The following SCGN variants were observed in gnomAD, a reference collection of about 807,000 sequenced individuals.
SCGN encodes the protein secretagogin.
Under a neutral mutation model 39.7 loss-of-function variants are expected in SCGN, and 30 were observed. That is an observed-to-expected ratio of 0.76 (90% CI 0.57 to 1.03). The LOEUF is 1.03. SCGN is among the 50% of genes least tolerant of loss of function. The probability of loss-of-function intolerance (pLI) is 0.00; values close to 1 mark genes in which losing one functional copy is unlikely to be tolerated. For missense variants in SCGN, 353 were observed against 349.4 expected (o/e 1.01, Z -0.08); for synonymous variants, 106 against 114.1 (o/e 0.93, Z 0.45).
intron 10 of SCGN, among the ~76,000 whole-genome samples, chr6:25,693,621 G>A (rs1367764484): frequency 1.3e-5 from 2 of 151,196 alleles, no homozygotes; most frequent in African/African-American, 4.8e-5. Flanking sequence ...TGTAAAAAAA[G>A]CCAGTGCAAA....
chr6:25,667,242 G>A (rs576640675), intron 4 of SCGN, among the ~76,000 whole-genome samples: 30 of 152,178 alleles, frequency 2.0e-4, no homozygotes, highest in African/African-American at 6.5e-4. Flanking sequence ...AAATCACATG[G>A]CCCTATGGAG....
chr6:25,655,690 T>A (rs1352975419), intron 2 of SCGN, among the ~76,000 whole-genome samples: 1 of 152,202 alleles, frequency 6.6e-6, no homozygotes, highest in Non-Finnish European at 1.5e-5. Flanking sequence ...TGCAGACCCC[T>A]AGGTCTCATC....
At chr6:25,653,565 T>C (rs1250142351) in intron 2 of SCGN, 113 bp downstream of exon 2, 2 of 747,942 alleles carry the variant, frequency 2.7e-6, no homozygotes, top group South Asian at 1.8e-5. Flanking sequence ...CTTCCTTGCA[T>C]GTATGTAATT....
intron 10 of SCGN, among the ~76,000 whole-genome samples, chr6:25,696,416 A>G (rs966895581): frequency 1.3e-5 from 2 of 152,090 alleles, no homozygotes; most frequent in African/African-American, 4.8e-5. Context: ...ATAGCCTATT[A>G]CAGAATAATA....
At chr6:25,679,418 C>G (rs1485417386) in intron 6 of SCGN, among the ~76,000 whole-genome samples, 2 of 152,166 alleles carry the variant, frequency 1.3e-5, no homozygotes, top group Non-Finnish European at 2.9e-5. Context: ...AGGAATACTT[C>G]ATCATCATTC....
In SCGN at chr6:25,661,658, CAG is replaced by C; in HGVS notation, c.246+15_246+16del. 1 of 1,538,690 alleles carries C rather than the reference CAG, an allele frequency of 6.5e-7. No homozygotes were observed. Among genetic ancestry groups the C allele is most frequent in the Non-Finnish European group, 9.0e-7 (1 of 1,111,642 alleles). On this transcript the variant is annotated intron_variant, in intron 3 of 10. Coordinates refer to ENST00000377961, the MANE Select transcript of SCGN (RefSeq NM_006998.4). ...CGGATGAAAGAGGTAACTTTACTGA[CAG>C]TATTTTTCATGGCTCTACTCTTCTT...
chr6:25,701,464 A>C lies in SCGN; in HGVS notation c.*129A>C. On this transcript the variant is annotated 3_prime_UTR_variant, in exon 11 of 11. Transcript: ENST00000377961. ...TGGTGTGCTATTCTTGGGCAAGAAC[A>C]GGGACGCTAGGGCCTTCCTTCCACC... 1 of 1,074,616 alleles carries C rather than the reference A, an allele frequency of 9.3e-7. No individual in the cohort carries two copies. Among genetic ancestry groups the C allele is most frequent in the Non-Finnish European group, 1.3e-6 (1 of 743,744 alleles). The allele number at this position is 1,074,616 out of a possible 1,614,324, so 66.6% of individuals were successfully genotyped here.
At chr6:25,653,171 A>G (rs1419195023) in intron 1 of SCGN, among the ~76,000 whole-genome samples, 1 of 152,194 alleles carries the variant, frequency 6.6e-6, no homozygotes, top group African/African-American at 2.4e-5. Flanking sequence ...GCACTAATAT[A>G]AACCCTAGCA....
At chr6:25,652,565 C>G (rs964959582) in intron 1 of SCGN, 80 bp downstream of exon 1, 23 of 1,352,582 alleles carry the variant, frequency 1.7e-5, no homozygotes, top group Non-Finnish European at 2.4e-5. Context: ...TGGAGTTTCC[C>G]CTTTACTGTA....
chr6:25,691,146 T>G, intron 10 of SCGN, 22 bp downstream of exon 10: 1 of 1,563,716 alleles, frequency 6.4e-7, no homozygotes, highest in Non-Finnish European at 8.8e-7. Flanking sequence ...TTCTTCTTAT[T>G]ATGAAGTGGG....
chr6:25,691,108 T>C lies in SCGN; in HGVS notation c.686T>C (p.Met229Thr). Reference sequence around the variant, plus strand: ...GAAGTGGATGGGTTTGTCAAAGACATGATGGAGCTTGTCCAGGTGAGTGCA... The same window carrying C: ...GAAGTGGATGGGTTTGTCAAAGACACGATGGAGCTTGTCCAGGTGAGTGCA... Reference protein sequence around the residue: ...GPEVDGFVKDMMELVQPSISG... With the variant: ...GPEVDGFVKDTMELVQPSISG... The change falls in exon 10 of 11, where the codon ATG becomes ACG. Residue 229 changes from methionine (M) to threonine (T), a missense_variant. Coordinates refer to ENST00000377961, the MANE Select transcript of SCGN (RefSeq NM_006998.4). The C allele has an allele frequency of 6.2e-7, 1 of 1,613,362 alleles. No individual in the cohort carries two copies. The highest frequency in any genetic ancestry group is 8.5e-7 in the Non-Finnish European group (1 of 1,179,316).
At chr6:25,666,478 A>T (rs139671745) in intron 4 of SCGN, among the ~76,000 whole-genome samples, 57 of 152,382 alleles carry the variant, frequency 3.7e-4, no homozygotes, top group Middle Eastern at 3.4e-3. Context: ...GTTCAAACTG[A>T]AAATAACATA....
At chr6:25,672,356 T>G (rs1047222023) in intron 6 of SCGN, among the ~76,000 whole-genome samples, 5 of 152,208 alleles carry the variant, frequency 3.3e-5, no homozygotes, top group Non-Finnish European at 7.3e-5. Flanking sequence ...TGCATTATAT[T>G]GCATAACAGA....
chr6:25,700,170 G>A (rs780920685), intron 10 of SCGN, among the ~76,000 whole-genome samples: 5 of 148,872 alleles, frequency 3.4e-5, no homozygotes, highest in Non-Finnish European at 5.9e-5. Flanking sequence ...GCTTGAACCC[G>A]GGAGACGGTA....
chr6:25,691,239 G>A, intron 10 of SCGN, 115 bp downstream of exon 10: 3 of 765,092 alleles, frequency 3.9e-6, no homozygotes, highest in South Asian at 3.8e-5. Context: ...ATCTAGGGAT[G>A]TAGTTTATTT....
chr6:25,657,667 A>AAT (rs1344295983), intron 2 of SCGN, among the ~76,000 whole-genome samples: 3 of 148,860 alleles, frequency 2.0e-5, no homozygotes, highest in Non-Finnish European at 3.0e-5. Context: ...ATATATATAT[A>AAT]ATATATATAT....
chr6:25,701,739 A>AT lies in SCGN; in HGVS notation c.*411dup, dbSNP rs5875060. Reference sequence around the variant, plus strand: ...TGGCAATCCTGTAACTTCAACATAGATTTTTTTGTGTGTGTGGAAATAAAT... The same window carrying AT: ...TGGCAATCCTGTAACTTCAACATAGATTTTTTTTGTGTGTGTGGAAATAAAT... On this transcript the variant is annotated 3_prime_UTR_variant, in exon 11 of 11. Coordinates refer to ENST00000377961, the MANE Select transcript of SCGN (RefSeq NM_006998.4). 148,550 of 154,020 alleles carry AT rather than the reference A, an allele frequency of 0.96. 71,693 individuals are homozygous for AT. Among genetic ancestry groups the AT allele is most frequent in the East Asian group, 1 (5,230 of 5,244 alleles). The allele number at this position is 154,020 out of a possible 1,614,324, so 9.5% of individuals were successfully genotyped here. A position where few individuals can be genotyped will look rare whatever the true frequency, so the allele number is the denominator to read the frequency against.
At chr6:25,690,793 A>G (rs958967900) in intron 9 of SCGN, among the ~76,000 whole-genome samples, 1 of 152,258 alleles carries the variant, frequency 6.6e-6, no homozygotes, top group Admixed American at 6.5e-5. Flanking sequence ...AAGGCAATAT[A>G]TGTCATACGA....
chr6:25,695,642 G>A (rs1759828357), intron 10 of SCGN, among the ~76,000 whole-genome samples: 1 of 152,126 alleles, frequency 6.6e-6, no homozygotes, highest in Non-Finnish European at 1.5e-5. Context: ...TGATTCTCCT[G>A]CCTCAGCCTC....
Sources: gnomAD v4.1 joint callset for allele counts (sites outside exome capture counted in the v4.1 genomes callset) on GRCh38, gnomAD v4.1.1 for gene constraint, MANE v1.5 for transcripts, NCBI Gene and HGNC (gene_info 2026-07-23, HGNC 2026-07-21) for gene names.